Variants in SRL observed in about 807,000 individuals in gnomAD.
The protein encoded by SRL is sarcalumenin.
In SRL, 23 loss-of-function variants were observed where a neutral mutation model predicts 39.5. The observed-to-expected ratio is 0.58, with a 90% CI of 0.42 to 0.82. The LOEUF (loss-of-function observed/expected upper bound fraction) is 0.82, where lower values mean the gene tolerates loss of function less well. Ranked by LOEUF, SRL falls within the 40% of genes least tolerant of loss-of-function variation. SRL has a pLI of 0.00. For missense variants in SRL, 592 were observed against 607.8 expected (o/e 0.97, Z 0.27); for synonymous variants, 272 against 237.4 (o/e 1.15, Z -1.34).
intron 1 of SRL, among the ~76,000 whole-genome samples, chr16:4,221,304 C>T (rs2141055779): frequency 6.6e-6 from 1 of 152,316 alleles, no homozygotes; most frequent in African/African-American, 2.4e-5. Flanking sequence ...GCCTCAGCCT[C>T]CCAAAGTGCT....
intron 1 of SRL, among the ~76,000 whole-genome samples, chr16:4,223,327 C>T (rs2052551665): frequency 1.3e-5 from 2 of 151,748 alleles, no homozygotes; most frequent in Non-Finnish European, 2.9e-5. Flanking sequence ...ATTCCTAGGC[C>T]TATTCTCAGG....
chr16:4,192,373 T>C lies in SRL; in HGVS notation c.1202A>G (p.Tyr401Cys). The change falls in exon 6 of 6, where the codon TAT (tyrosine) becomes TGT (cysteine). Residue 401 changes from tyrosine to cysteine, a missense_variant. Physicochemically the swap from Tyr to Cys is radical, Grantham distance 194 (BLOSUM62 -2). Transcript: ENST00000399609. This position sits in a 1 kb window ranked among gnomAD's most constrained non-coding sequence, Gnocchi z 4.0. ...SKFDLPNREAYKDFFGINPIS... is the reference protein window; with the variant it reads ...SKFDLPNREACKDFFGINPIS... ...GGGATTGATGCCGAAGAAGTCCTTA[T>C]AGGCCTCGCGGTTGGGAAGGTCAAA... The C allele has an allele frequency of 6.2e-7, 1 of 1,614,212 alleles. No homozygotes were observed. Among genetic ancestry groups the C allele is most frequent in the Non-Finnish European group, 8.5e-7 (1 of 1,180,032 alleles).
At chr16:4,228,028 C>G (rs533703747) in intron 1 of SRL, among the ~76,000 whole-genome samples, 1 of 152,316 alleles carries the variant, frequency 6.6e-6, no homozygotes, top group Admixed American at 6.5e-5. Context: ...TGTGTGGGGA[C>G]AGTGGCTGTG....
chr16:4,240,301 G>A (rs1019613445), intron 1 of SRL, among the ~76,000 whole-genome samples: 1 of 152,178 alleles, frequency 6.6e-6, no homozygotes, highest in African/African-American at 2.4e-5. Context: ...CAATTCTGAA[G>A]GGGAAATCAC....
chr16:4,207,377 G>A (rs769553349), intron 1 of SRL: 2 of 456,744 alleles, frequency 4.4e-6, no homozygotes, highest in South Asian at 1.5e-5. Flanking sequence ...GGTCCTCGGT[G>A]CCCTCACTGG....
intron 1 of SRL, among the ~76,000 whole-genome samples, chr16:4,212,175 C>T (rs1002460829): frequency 6.6e-6 from 1 of 152,182 alleles, no homozygotes; most frequent in African/African-American, 2.4e-5. Flanking sequence ...GTTTTCACAA[C>T]TTAGGGCTGA....
At chr16:4,200,395 C>T (rs915074461) in intron 3 of SRL, among the ~76,000 whole-genome samples, 1 of 152,146 alleles carries the variant, frequency 6.6e-6, no homozygotes, top group Admixed American at 6.5e-5. Flanking sequence ...GCTGTGGTTT[C>T]GGCTCCTCAC....
chr16:4,227,547 A>G (rs2052607313), intron 1 of SRL, among the ~76,000 whole-genome samples: 1 of 151,594 alleles, frequency 6.6e-6, no homozygotes, highest in South Asian at 2.1e-4. Context: ...TAGATGATGG[A>G]TGGGTGGATG....
intron 2 of SRL, 95 bp downstream of exon 2, chr16:4,204,438 C>G (rs1393578347): frequency 3.5e-6 from 4 of 1,143,136 alleles, no homozygotes; most frequent in Non-Finnish European, 5.2e-6. Context: ...GATACAGCCC[C>G]GGCACGCCCT....
intron 1 of SRL, among the ~76,000 whole-genome samples, chr16:4,217,946 C>T (rs1429035260): frequency 6.6e-6 from 1 of 152,164 alleles, no homozygotes; most frequent in East Asian, 1.9e-4. Context: ...TCCTCCCTGG[C>T]TGCCAGCCAG....
intron 1 of SRL, among the ~76,000 whole-genome samples, chr16:4,220,643 AATC>A (rs776557774): frequency 5.3e-5 from 8 of 152,100 alleles, no homozygotes; most frequent in Non-Finnish European, 1.0e-4. Context: ...CCCAGGGAGA[AATC>A]ATCATTCAAC....
intron 1 of SRL, among the ~76,000 whole-genome samples, chr16:4,219,017 C>T (rs2052492087): frequency 1.3e-5 from 2 of 152,388 alleles, no homozygotes; most frequent in African/African-American, 4.8e-5. Context: ...CAGGTCCTGG[C>T]ATTCATGGCC....
At chr16:4,209,222 G>A (rs540190907) in intron 1 of SRL, among the ~76,000 whole-genome samples, 7 of 151,988 alleles carry the variant, frequency 4.6e-5, no homozygotes, top group Admixed American at 4.6e-4. Context: ...GCAGTGAGCC[G>A]AGATCGCGCC....
chr16:4,232,627 C>T (rs1448204352), intron 1 of SRL, among the ~76,000 whole-genome samples: 1 of 152,176 alleles, frequency 6.6e-6, no homozygotes, highest in Non-Finnish European at 1.5e-5. Context: ...CCACCTGCTC[C>T]AGCCTCCCAA....
intron 1 of SRL, among the ~76,000 whole-genome samples, chr16:4,216,088 C>G (rs140402130): frequency 1.3e-5 from 2 of 152,042 alleles, no homozygotes; most frequent in African/African-American, 4.8e-5. Context: ...CCATAGAGTC[C>G]TGAGAATTGA....
intron 3 of SRL, among the ~76,000 whole-genome samples, chr16:4,198,262 C>T (rs1186973736): frequency 1.3e-5 from 2 of 152,174 alleles, no homozygotes. Flanking sequence ...GAGGACGGAG[C>T]TTCCACATGG....
At chr16:4,238,615 C>A (rs9928485) in intron 1 of SRL, among the ~76,000 whole-genome samples, 7,644 of 151,248 alleles carry the variant, frequency 0.051, 645 homozygotes, top group African/African-American at 0.17. Context: ...CCACCATGCC[C>A]GGTGCCACTT....
intron 1 of SRL, among the ~76,000 whole-genome samples, chr16:4,209,067 G>A (rs2052361106): frequency 6.6e-6 from 1 of 152,192 alleles, no homozygotes; most frequent in Non-Finnish European, 1.5e-5. Context: ...GAGGTTGGGA[G>A]TTTGAGACCA....
intron 1 of SRL, among the ~76,000 whole-genome samples, chr16:4,238,869 C>A (rs943191561): frequency 6.6e-6 from 1 of 152,068 alleles, no homozygotes; most frequent in Non-Finnish European, 1.5e-5. Flanking sequence ...GATCCTCCCA[C>A]CTTGGGTTCC....
Sources: gnomAD v4.1 joint callset for allele counts (sites outside exome capture counted in the v4.1 genomes callset) on GRCh38, gnomAD v4.1.1 for gene constraint, Gnocchi (gnomAD v3.1) non-coding constraint, MANE v1.5 for transcripts, NCBI Gene and HGNC (gene_info 2026-07-23, HGNC 2026-07-21) for gene names.